CCDC38: variants seen among roughly 807,000 people sequenced by gnomAD.
CCDC38 encodes coiled-coil domain containing 38.
CCDC38 carries 69 observed loss-of-function variants against 72.8 expected under a neutral mutation model. The ratio of observed to expected loss-of-function variants is 0.95; its 90% confidence interval spans 0.78 to 1.16. The LOEUF is 1.16. Among genes scored for constraint, CCDC38 ranks in the 50% most tolerant of loss-of-function variants. CCDC38 has a pLI of 0.00. For missense variants in CCDC38, 626 were observed against 638.9 expected (o/e 0.98, Z 0.22); for synonymous variants, 201 against 213.2 (o/e 0.94, Z 0.50).
chr12:95,867,775 G>C (rs2079538115), intron 15 of CCDC38, among the ~76,000 whole-genome samples: 1 of 152,012 alleles, frequency 6.6e-6, no homozygotes, highest in Non-Finnish European at 1.5e-5. Context: ...CTTTACTTTT[G>C]GGATTCCCTC....
chr12:95,913,518 C>T (rs1365475374), intron 4 of CCDC38, among the ~76,000 whole-genome samples: 1 of 152,120 alleles, frequency 6.6e-6, no homozygotes, highest in African/African-American at 2.4e-5. Context: ...CAGCAGAAGA[C>T]CCAGAGAAAA....
In CCDC38 at chr12:95,869,489, T is replaced by C. The variant is rs150048800; in HGVS notation, c.1569A>G (p.Pro523=). ...KAALEKAVAQ[P]KKKLGRRLVF... ...TAATAGCAAAACAAACCTTTTTCTT[T>C]GGTTGTGCTACTGCTTTTTCCAGAG... The change falls in exon 15 of 16, where the codon CCA becomes CCG. Residue 523 remains proline, a synonymous_variant. Coordinates refer to ENST00000344280, the MANE Select transcript of CCDC38 (RefSeq NM_182496.3). 48 of 1,612,650 alleles carry C rather than the reference T, an allele frequency of 3.0e-5. No homozygotes were observed. In the Middle Eastern group the frequency reaches 5.0e-4, roughly 17 times the overall value.
rs1195847862 is a variant in CCDC38, at chr12:95,915,146, T to C, written c.304+1983A>G. Among the ~76,000 whole-genome samples the C allele has an allele frequency of 5.9e-5, 9 of 152,240 alleles. 1 individual carries two copies. The highest frequency in any genetic ancestry group is 5.2e-4 in the Admixed American group (8 of 15,292). On this transcript the variant is annotated intron_variant, in intron 4 of 15. Transcript: ENST00000344280. ...ACATGGTACTCTCTGGCTGAGTTGA[T>C]AGAATTTTATTCTTCAACTCTAAGT...
At chr12:95,904,585 T>A (rs938943063) in intron 5 of CCDC38, among the ~76,000 whole-genome samples, 3 of 152,222 alleles carry the variant, frequency 2.0e-5, no homozygotes, top group Admixed American at 2.0e-4. Flanking sequence ...GGAGGTGTTA[T>A]CCTCCCTGCA....
intron 10 of CCDC38, among the ~76,000 whole-genome samples, chr12:95,886,735 A>C (rs903394059): frequency 3.3e-5 from 5 of 152,236 alleles, no homozygotes; most frequent in African/African-American, 1.2e-4. Context: ...AGCTACTAGG[A>C]AAATCAATTA....
At chr12:95,941,734 CT>C (rs2080453036) in intron 1 of CCDC38, among the ~76,000 whole-genome samples, 1 of 152,056 alleles carries the variant, frequency 6.6e-6, no homozygotes, top group Admixed American at 6.6e-5. Flanking sequence ...ACTATTTCTA[CT>C]TCTCTTTTTA....
At position 95,909,530 on chromosome 12, in the gene CCDC38, G is replaced by A. The variant is rs2080067754; in HGVS notation, c.305-3079C>T. Reference sequence around the variant, plus strand: ...TATTACAAAAAAATCTAAGAGAAGGGATTCCTCCCTAACTCATCCTATGAA... The same window carrying A: ...TATTACAAAAAAATCTAAGAGAAGGAATTCCTCCCTAACTCATCCTATGAA... On this transcript the variant is annotated intron_variant, in intron 4 of 15. Transcript: ENST00000344280. Among the ~76,000 whole-genome samples, 4 of 152,048 alleles carry A rather than the reference G, an allele frequency of 2.6e-5. No individual in the cohort carries two copies. In the South Asian group the frequency reaches 8.3e-4, roughly 32 times the overall value.
intron 2 of CCDC38, among the ~76,000 whole-genome samples, chr12:95,935,753 C>T (rs1015007775): frequency 6.6e-6 from 1 of 152,016 alleles, no homozygotes; most frequent in Non-Finnish European, 1.5e-5. Flanking sequence ...CCTTATATAC[C>T]AATAAATACT....
At chr12:95,883,878 G>A (rs190668958) in intron 10 of CCDC38, among the ~76,000 whole-genome samples, 2 of 152,272 alleles carry the variant, frequency 1.3e-5, no homozygotes, top group Admixed American at 1.3e-4. Context: ...AAGGCATTTG[G>A]CAGGATTCAA....
chr12:95,908,919 T>A (rs76819455), intron 4 of CCDC38, among the ~76,000 whole-genome samples: 3 of 152,106 alleles, frequency 2.0e-5, no homozygotes, highest in Non-Finnish European at 4.4e-5. Context: ...TTTTTCATTC[T>A]GGAAATTTAT....
chr12:95,921,913 C>T (rs2080213737), intron 2 of CCDC38, among the ~76,000 whole-genome samples: 1 of 152,164 alleles, frequency 6.6e-6, no homozygotes, highest in Non-Finnish European at 1.5e-5. Flanking sequence ...ATCATTTTGG[C>T]TCCACCCACC....
At chr12:95,926,249 T>G (rs1413862048) in intron 2 of CCDC38, among the ~76,000 whole-genome samples, 1 of 151,332 alleles carries the variant, frequency 6.6e-6, no homozygotes, top group Non-Finnish European at 1.5e-5. Flanking sequence ...GAGATTCAAC[T>G]TCTTCCTGGT....
At chr12:95,874,293 C>T (rs1162756922) in intron 13 of CCDC38, among the ~76,000 whole-genome samples, 1 of 152,086 alleles carries the variant, frequency 6.6e-6, no homozygotes, top group Non-Finnish European at 1.5e-5. Flanking sequence ...AGAGTGGTTG[C>T]TAGTTGATGG....
At chr12:95,871,383 G>C (rs2079578838) in intron 14 of CCDC38, among the ~76,000 whole-genome samples, 1 of 152,178 alleles carries the variant, frequency 6.6e-6, no homozygotes, top group Non-Finnish European at 1.5e-5. Flanking sequence ...ATGTACGTAG[G>C]TTATATGCAA....
intron 1 of CCDC38, among the ~76,000 whole-genome samples, chr12:95,938,550 G>C (rs932922520): frequency 6.6e-6 from 1 of 152,170 alleles, no homozygotes; most frequent in African/African-American, 2.4e-5. Flanking sequence ...CAATTGCTAA[G>C]AGCAGATATC....
chr12:95,934,676 C>A (rs1183164152), intron 2 of CCDC38: 1 of 144,610 alleles, frequency 6.9e-6, no homozygotes, highest in Non-Finnish European at 1.5e-5. Flanking sequence ...CCTTTTATAT[C>A]AGCAAATATA....
chr12:95,913,932 C>T (rs78274733), intron 4 of CCDC38, among the ~76,000 whole-genome samples: 1 of 151,100 alleles, frequency 6.6e-6, no homozygotes, highest in African/African-American at 2.4e-5. Context: ...TCAGACACAA[C>T]GAGGAGGCAA....
At chr12:95,876,294 G>T (rs1254891340) in intron 13 of CCDC38, among the ~76,000 whole-genome samples, 1 of 152,182 alleles carries the variant, frequency 6.6e-6, no homozygotes, top group Non-Finnish European at 1.5e-5. Context: ...GGCTAGGAGA[G>T]GGAGGGATGG....
chr12:95,907,050 G>C (rs531372593), intron 4 of CCDC38, among the ~76,000 whole-genome samples: 2 of 142,456 alleles, frequency 1.4e-5, no homozygotes, highest in East Asian at 3.9e-4. Flanking sequence ...GCCTTCAAGC[G>C]TCTGTTTAAC....
Sources: allele counts gnomAD v4.1 joint callset (sites outside exome capture counted in the v4.1 genomes callset), GRCh38; gene constraint gnomAD v4.1.1; transcripts MANE v1.5; gene names NCBI Gene and HGNC (gene_info 2026-07-23, HGNC 2026-07-21).